ASAP2: variants seen among roughly 807,000 people sequenced by gnomAD.
ASAP2 encodes arf-GAP with SH3 domain, ANK repeat and PH domain-containing protein 2.
ASAP2 carries 45 observed loss-of-function variants against 131.4 expected under a neutral mutation model. The observed-to-expected ratio is 0.34, with a 90% CI of 0.27 to 0.44. The LOEUF (loss-of-function observed/expected upper bound fraction) is 0.44. Ranked by LOEUF, ASAP2 falls within the 20% of genes least tolerant of loss-of-function variation. ASAP2 has a pLI of 1.00. For missense variants in ASAP2, 1,011 were observed against 1,297.0 expected (o/e 0.78, Z 3.39); for synonymous variants, 510 against 503.0 (o/e 1.01, Z -0.19).
At chr2:9,397,739 TATA>T (rs1558403259) in intron 24 of ASAP2, among the ~76,000 whole-genome samples, 9 of 91,720 alleles carry the variant, frequency 9.8e-5, no homozygotes, top group African/African-American at 6.6e-4. Context: ...TATATATATA[TATA>T]TATATATATT....
At chr2:9,326,145 C>G (rs1670461852) in intron 6 of ASAP2, among the ~76,000 whole-genome samples, 1 of 152,158 alleles carries the variant, frequency 6.6e-6, no homozygotes, top group Non-Finnish European at 1.5e-5. Context: ...CTTTGGGAGG[C>G]TGAGGTGGGA....
chr2:9,365,268 G>C (rs1402198504), intron 15 of ASAP2, among the ~76,000 whole-genome samples: 1 of 152,162 alleles, frequency 6.6e-6, no homozygotes, highest in Non-Finnish European at 1.5e-5. Context: ...CTGTACTTTA[G>C]AGCTGGACTG....
intron 3 of ASAP2, among the ~76,000 whole-genome samples, chr2:9,310,740 G>A (rs2148459353): frequency 6.6e-6 from 1 of 152,260 alleles, no homozygotes; most frequent in East Asian, 1.9e-4. Flanking sequence ...GAAAGTGACA[G>A]ATCTACAGGC....
chr2:9,397,619 T>C (rs1193368716), intron 24 of ASAP2, among the ~76,000 whole-genome samples: 1 of 150,886 alleles, frequency 6.6e-6, no homozygotes, highest in Admixed American at 6.6e-5. Flanking sequence ...GTCAGCAAAC[T>C]ATGGCTCACA....
chr2:9,270,164 C>T (rs1666239413), intron 1 of ASAP2, among the ~76,000 whole-genome samples: 4 of 152,346 alleles, frequency 2.6e-5, no homozygotes, highest in Middle Eastern at 3.4e-3. Flanking sequence ...TTAATGAGGT[C>T]TGGCCAGGCG....
rs979029113 is a variant in ASAP2 at position 9,207,895 on chromosome 2, C to T, written c.126+665C>T. 2.0e-5 allele frequency among the ~76,000 whole-genome samples: 3 copies of T among 152,220 alleles called. No individual in the cohort carries two copies. Among genetic ancestry groups the T allele is most frequent in the African/African-American group, 7.2e-5 (3 of 41,462 alleles). ...TGCTTGAACCCGGAATGCCGCCCTT[C>T]CCCCTCAACCTGGAAAAGGCCTGGT... On this transcript the variant is annotated intron_variant, in intron 1 of 27. Coordinates refer to ENST00000281419, the MANE Select transcript of ASAP2 (RefSeq NM_003887.3). The surrounding 1 kb of genome is among the most constrained non-coding windows in gnomAD (Gnocchi z 4.1).
At chr2:9,372,096 A>T (rs954442368) in intron 16 of ASAP2, among the ~76,000 whole-genome samples, 2 of 152,200 alleles carry the variant, frequency 1.3e-5, no homozygotes, top group African/African-American at 2.4e-5. Context: ...AAACAAGTAA[A>T]GGAAGTCCAC....
Position 9,400,758 on chromosome 2 carries a change from G to C in ASAP2, c.2751G>C (p.Thr917=). Residue 917 remains threonine (T), a synonymous_variant, in exon 26 of 28, where the codon ACG becomes ACC. Transcript: ENST00000281419. ...QPRGPVDLSA[T]EALGPLSNAM... ...GCCCTACAGTGGATCTCTCTGCAAC[G>C]GAAGCTCTGGGTCCTCTGTCCAATG... The C allele has an allele frequency of 6.2e-7, 1 of 1,613,690 alleles. No individual in the cohort carries two copies. The highest frequency in any genetic ancestry group is 1.6e-4 in the Middle Eastern group (1 of 6,062).
At chr2:9,352,243 A>G (rs1403566783) in intron 12 of ASAP2, among the ~76,000 whole-genome samples, 2 of 150,136 alleles carry the variant, frequency 1.3e-5, no homozygotes, top group Admixed American at 1.3e-4. Context: ...ACACACACAC[A>G]CACAAACACA....
At chr2:9,340,804 G>A (rs946739544) in intron 9 of ASAP2, among the ~76,000 whole-genome samples, 3 of 152,192 alleles carry the variant, frequency 2.0e-5, no homozygotes, top group Non-Finnish European at 4.4e-5. Context: ...CAGATTCTGT[G>A]TTGGCCAGAC....
chr2:9,277,502 C>T (rs770692138), intron 1 of ASAP2, among the ~76,000 whole-genome samples: 2 of 152,108 alleles, frequency 1.3e-5, no homozygotes, highest in East Asian at 1.9e-4. Flanking sequence ...TATCTTGTAT[C>T]GGTAACTCTC....
chr2:9,344,502 A>G (rs1378310110), intron 9 of ASAP2, 30 bp from the exon 10 acceptor site: 1 of 1,579,838 alleles, frequency 6.3e-7, no homozygotes. Flanking sequence ...CCTGGACAAG[A>G]TTAAAAACAC....
chr2:9,273,197 T>A (rs1666526195), intron 1 of ASAP2, among the ~76,000 whole-genome samples: 1 of 152,208 alleles, frequency 6.6e-6, no homozygotes, highest in South Asian at 2.1e-4. Flanking sequence ...TATCTTCATT[T>A]TTTTTGGTGT....
chr2:9,280,939 G>A (rs1572342919), intron 2 of ASAP2, among the ~76,000 whole-genome samples: 1 of 152,206 alleles, frequency 6.6e-6, no homozygotes, highest in East Asian at 1.9e-4. Flanking sequence ...AGATGTCTGT[G>A]CAGCTGGAGC....
chr2:9,251,505 T>G (rs1235576186), intron 1 of ASAP2, among the ~76,000 whole-genome samples: 1 of 152,046 alleles, frequency 6.6e-6, no homozygotes, highest in Non-Finnish European at 1.5e-5. Flanking sequence ...GTCCGTCGGG[T>G]GGGTTTTGTA....
intron 3 of ASAP2, among the ~76,000 whole-genome samples, chr2:9,306,704 C>T (rs919914786): frequency 1.3e-5 from 2 of 152,126 alleles, no homozygotes; most frequent in African/African-American, 4.8e-5. Flanking sequence ...GAATTGTCAG[C>T]GAATTGATAG....
At position 9,356,063 on chromosome 2, in the gene ASAP2, C is replaced by G. The variant is rs1672675493; in HGVS notation, c.1128C>G (p.His376Gln). Reference protein sequence around the residue: ...FDLISHDRTYHFQAEDEQECQ... With the variant: ...FDLISHDRTYQFQAEDEQECQ... ...GCTATGCAGATGACAGAACTTACCA[C>G]TTTCAAGCTGAAGATGAACAGGAAT... Residue 376 changes from histidine to glutamine, a missense_variant, in exon 13 of 28, where the codon CAC becomes CAG. His to Gln is a conservative substitution (Grantham distance 24, BLOSUM62 0). Coordinates refer to ENST00000281419, the MANE Select transcript of ASAP2 (RefSeq NM_003887.3). 1 of 1,614,214 alleles carries G rather than the reference C, an allele frequency of 6.2e-7. No individual in the cohort carries two copies. Among genetic ancestry groups the G allele is most frequent in the Non-Finnish European group, 8.5e-7 (1 of 1,180,052 alleles).
rs76125556 is a variant in ASAP2 at position 9,294,828 on chromosome 2, C to T, written c.200-2472C>T. On this transcript the variant is annotated intron_variant, in intron 2 of 27. Coordinates refer to ENST00000281419, the MANE Select transcript of ASAP2 (RefSeq NM_003887.3). Reference sequence around the variant, plus strand: ...GAGGACACCACGGCCCAGCTCCCCTCCTTTGTCATCTCTTGAAAGACCCAT... The same window carrying T: ...GAGGACACCACGGCCCAGCTCCCCTTCTTTGTCATCTCTTGAAAGACCCAT... Among the ~76,000 whole-genome samples, 684 of 152,278 alleles carry T rather than the reference C, an allele frequency of 4.5e-3. 2 individuals are homozygous for T. Among genetic ancestry groups the T allele is most frequent in the South Asian group, 0.023 (111 of 4,826 alleles).
intron 2 of ASAP2, among the ~76,000 whole-genome samples, chr2:9,282,825 C>T (rs561434873): frequency 4.1e-4 from 63 of 152,364 alleles, no homozygotes; most frequent in Non-Finnish European, 6.5e-4. Context: ...TGATTTGTCA[C>T]AGATTGGCCC....
Sources: allele counts gnomAD v4.1 joint callset (sites outside exome capture counted in the v4.1 genomes callset), GRCh38; gene constraint gnomAD v4.1.1; non-coding constraint Gnocchi (gnomAD v3.1); transcripts MANE v1.5; gene names NCBI Gene and HGNC (gene_info 2026-07-23, HGNC 2026-07-21).